Variants in CNTNAP2 observed in about 807,000 individuals in gnomAD.
The protein encoded by CNTNAP2 is contactin associated protein 2.
Under a neutral mutation model 155.2 loss-of-function variants are expected in CNTNAP2, and 98 were observed. The observed-to-expected ratio is 0.63, with a 90% CI of 0.54 to 0.75. CNTNAP2 has a LOEUF of 0.75. Ranked by LOEUF, CNTNAP2 falls within the 30% of genes least tolerant of loss-of-function variation. The pLI is 0.00. For missense variants in CNTNAP2, 1,727 were observed against 1,688.1 expected (o/e 1.02, Z -0.40); for synonymous variants, 651 against 631.2 (o/e 1.03, Z -0.47).
chr7:148,174,002 G>A (rs1025790387), intron 18 of CNTNAP2, among the ~76,000 whole-genome samples: 2 of 152,172 alleles, frequency 1.3e-5, no homozygotes, highest in African/African-American at 4.8e-5. Flanking sequence ...AAAGGCAGGG[G>A]CATATCCTCT....
rs538949678 is a variant in CNTNAP2 at position 148,410,650 on chromosome 7, G to A, written c.3796+1179G>A. ...TAATAAAAATTATCAGAAAATCACTGGAGGTCATTATTTTAAGTGAAATAA... is the reference window on the plus strand; with the variant it reads ...TAATAAAAATTATCAGAAAATCACTAGAGGTCATTATTTTAAGTGAAATAA... On this transcript the variant is annotated intron_variant, in intron 23 of 23. Coordinates refer to ENST00000361727, the MANE Select transcript of CNTNAP2 (RefSeq NM_014141.6). 5.8e-4 allele frequency among the ~76,000 whole-genome samples: 88 copies of A among 151,566 alleles called. No individual in the cohort carries two copies. The South Asian group carries it at 0.018, about 31-fold the overall frequency.
At chr7:146,340,490 T>A (rs1801363439) in intron 1 of CNTNAP2, among the ~76,000 whole-genome samples, 3 of 151,960 alleles carry the variant, frequency 2.0e-5, no homozygotes, top group African/African-American at 7.2e-5. Context: ...ATAGCTTAAT[T>A]GAATTTTAGA....
chr7:147,989,764 T>C (rs1176968555), intron 15 of CNTNAP2, among the ~76,000 whole-genome samples: 1 of 152,184 alleles, frequency 6.6e-6, no homozygotes. Flanking sequence ...TTCCTTCTCA[T>C]CATGTGGATC....
chr7:148,012,860 T>C (rs904608208), intron 15 of CNTNAP2, among the ~76,000 whole-genome samples: 6 of 152,198 alleles, frequency 3.9e-5, no homozygotes, highest in Admixed American at 1.3e-4. Context: ...GCATGTATTG[T>C]GTGGCTATGT....
At chr7:146,268,314 T>C (rs1800027111) in intron 1 of CNTNAP2, among the ~76,000 whole-genome samples, 1 of 152,194 alleles carries the variant, frequency 6.6e-6, no homozygotes, top group Admixed American at 6.5e-5. Flanking sequence ...CTCTGCCCTC[T>C]ATTGAAACCC....
intron 13 of CNTNAP2, among the ~76,000 whole-genome samples, chr7:147,821,226 G>C (rs73743102): frequency 0.011 from 1,705 of 152,184 alleles, 47 homozygotes; most frequent in African/African-American, 0.038. Context: ...TTTTTAAAAA[G>C]AGTAAGTGAT....
intron 23 of CNTNAP2, chr7:148,414,643 T>C (rs1799935767): frequency 6.6e-6 from 1 of 152,342 alleles, no homozygotes; most frequent in Non-Finnish European, 1.5e-5. Flanking sequence ...ACATTTTTTT[T>C]CTCTGAATTA....
intron 1 of CNTNAP2, among the ~76,000 whole-genome samples, chr7:146,748,335 C>T (rs978346546): frequency 5.3e-5 from 8 of 151,668 alleles, no homozygotes; most frequent in Admixed American, 2.0e-4. Flanking sequence ...TTGTTAGAGA[C>T]GGGGTTTCAC....
intron 1 of CNTNAP2, among the ~76,000 whole-genome samples, chr7:146,177,087 A>G (rs1314769267): frequency 6.6e-6 from 1 of 152,176 alleles, no homozygotes. Context: ...CCTTCTGCTC[A>G]ACATGCATCA....
intron 1 of CNTNAP2, among the ~76,000 whole-genome samples, chr7:146,632,551 T>C (rs532893523): frequency 6.6e-4 from 100 of 152,174 alleles, no homozygotes; most frequent in South Asian, 3.7e-3. Flanking sequence ...GAATATCCAA[T>C]GAATATTTTC....
intron 8 of CNTNAP2, among the ~76,000 whole-genome samples, chr7:147,216,188 G>A (rs1188581600): frequency 6.6e-6 from 1 of 150,972 alleles, no homozygotes; most frequent in Non-Finnish European, 1.5e-5. Context: ...TAGTTTTAAT[G>A]CAGTCTAGTT....
At chr7:147,688,716 C>G (rs1005255602) in intron 13 of CNTNAP2, among the ~76,000 whole-genome samples, 1 of 152,112 alleles carries the variant, frequency 6.6e-6, no homozygotes, top group Admixed American at 6.6e-5. Flanking sequence ...AGAGACCACA[C>G]AAGCCTCTGT....
chr7:147,288,444 G>A (rs1805230675), intron 8 of CNTNAP2, among the ~76,000 whole-genome samples: 2 of 152,170 alleles, frequency 1.3e-5, no homozygotes, highest in African/African-American at 4.8e-5. Context: ...AACTGTAAAA[G>A]GGCTTAAGCT....
intron 1 of CNTNAP2, among the ~76,000 whole-genome samples, chr7:146,592,591 T>C (rs916356947): frequency 6.6e-6 from 1 of 152,194 alleles, no homozygotes; most frequent in African/African-American, 2.4e-5. Flanking sequence ...AGATTCCTAC[T>C]TTCTGATAAA....
chr7:147,245,317 T>C (rs1165366584), intron 8 of CNTNAP2, among the ~76,000 whole-genome samples: 1 of 152,038 alleles, frequency 6.6e-6, no homozygotes, highest in Non-Finnish European at 1.5e-5. Context: ...AGAGAATGCA[T>C]TGTGCACAAA....
intron 13 of CNTNAP2, among the ~76,000 whole-genome samples, chr7:147,655,803 C>T (rs1795517944): frequency 6.6e-6 from 1 of 152,156 alleles, no homozygotes; most frequent in South Asian, 2.1e-4. Context: ...CTGCATTAGC[C>T]CCTAATAAGG....
chr7:147,414,014 A>G (rs1480008785), intron 10 of CNTNAP2, among the ~76,000 whole-genome samples: 1 of 152,238 alleles, frequency 6.6e-6, no homozygotes, highest in Admixed American at 6.5e-5. Flanking sequence ...AAGTTTGCTC[A>G]AAGCTTTATG....
rs1797555777 is a variant in CNTNAP2, at chr7:146,121,105, TTACATAAAGCTTCC to T, written c.97+4134_97+4147del. 1.1e-4 allele frequency among the ~76,000 whole-genome samples: 16 copies of T among 149,500 alleles called. 1 individual carries two copies. Among genetic ancestry groups the T allele is most frequent in the South Asian group, 2.1e-4 (1 of 4,722 alleles). On this transcript the variant is annotated intron_variant, in intron 1 of 23. Transcript: ENST00000361727. ...AAAACTTACTCAAATGTCTTAAAGT[TTACATAAAGCTTCC>T]TTTTTTTTTTTTTTTTTTTTTTTTT...
Position 146,638,488 on chromosome 7 carries a change from TTTTTTTTTTTC to T in CNTNAP2, c.98-135779_98-135769del, listed in dbSNP as rs1375847529. Among the ~76,000 whole-genome samples the T allele has an allele frequency of 3.4e-5, 4 of 117,650 alleles. No individual in the cohort carries two copies. In the East Asian group the frequency reaches 8.5e-4, roughly 25 times the overall value. 77.2% of individuals were successfully genotyped at this position (117,650 alleles called of 152,430 possible). ...CAGTCAGGTGTTTCTTTTTTTTTTT[TTTTTTTTTTTC>T]TTTGAGATGGAGTCTCACTCTGTTG... On this transcript the variant is annotated intron_variant, in intron 1 of 23. Coordinates refer to ENST00000361727, the MANE Select transcript of CNTNAP2 (RefSeq NM_014141.6).
Sources: allele counts gnomAD v4.1 joint callset (sites outside exome capture counted in the v4.1 genomes callset), GRCh38; gene constraint gnomAD v4.1.1; transcripts MANE v1.5; gene names NCBI Gene and HGNC (gene_info 2026-07-23, HGNC 2026-07-21).